The following EXT1 variants were observed in gnomAD, a reference collection of about 807,000 sequenced individuals.
EXT1 encodes the protein exostosin-1.
EXT1 carries 20 observed loss-of-function variants against 82.5 expected under a neutral mutation model. The ratio of observed to expected loss-of-function variants is 0.24; its 90% CI spans 0.17 to 0.35. The LOEUF (loss-of-function observed/expected upper bound fraction) is 0.35. EXT1 is among the 10% of genes least tolerant of loss of function. The pLI is 1.00. For synonymous variants in EXT1, 348 were observed against 350.8 expected (o/e 0.99, Z 0.09); for missense variants, 757 against 936.5 (o/e 0.81, Z 2.50).
chr8:117,807,500 T>G (rs1823257468), intron 8 of EXT1, 123 bp from the exon 9 acceptor site: 21 of 1,073,370 alleles, frequency 2.0e-5, no homozygotes, highest in Non-Finnish European at 2.8e-5. Flanking sequence ...ATTAATTCTA[T>G]GTATTCATCA....
At chr8:118,066,332 C>CTTTATTTA (rs71307424) in intron 1 of EXT1, among the ~76,000 whole-genome samples, 8,043 of 143,890 alleles carry the variant, frequency 0.056, 270 homozygotes, top group South Asian at 0.1. Context: ...TTTTCTCTAG[C>CTTTATTTA]TTTATTTATT....
At chr8:117,816,575 C>G (rs1029144425) in intron 7 of EXT1, among the ~76,000 whole-genome samples, 2 of 152,144 alleles carry the variant, frequency 1.3e-5, no homozygotes, top group African/African-American at 4.8e-5. Flanking sequence ...TGAACAAATG[C>G]CAGGGGCCTG....
intron 1 of EXT1, among the ~76,000 whole-genome samples, chr8:117,850,833 C>T (rs1185850087): frequency 1.3e-5 from 2 of 152,186 alleles, no homozygotes; most frequent in African/African-American, 4.8e-5. Flanking sequence ...CAGGCAGCCT[C>T]AGGACCCTGC....
chr8:118,025,830 A>C (rs1244234301), intron 1 of EXT1, among the ~76,000 whole-genome samples: 4 of 152,208 alleles, frequency 2.6e-5, no homozygotes, highest in Non-Finnish European at 5.9e-5. Context: ...GATAGTGAGA[A>C]TTCATCAAAT....
intron 1 of EXT1, among the ~76,000 whole-genome samples, chr8:117,913,371 C>T (rs948069588): frequency 1.3e-5 from 2 of 152,266 alleles, no homozygotes; most frequent in East Asian, 3.9e-4. Flanking sequence ...AGTCTAGGGG[C>T]CCCAGTATAT....
intron 1 of EXT1, among the ~76,000 whole-genome samples, chr8:117,850,505 CT>C (rs17479404): frequency 0.094 from 14,327 of 152,156 alleles, 933 homozygotes; most frequent in African/African-American, 0.18. Flanking sequence ...AATTGGAAAA[CT>C]TTTTTTCCCT....
intron 8 of EXT1, 64 bp from the exon 9 acceptor site, chr8:117,807,441 C>T: frequency 1.3e-6 from 2 of 1,572,018 alleles, no homozygotes; most frequent in Middle Eastern, 1.7e-4. Context: ...CAAAACATTA[C>T]CTTCTCCCCA....
chr8:117,920,072 G>C (rs1374194361), intron 1 of EXT1, among the ~76,000 whole-genome samples: 1 of 152,056 alleles, frequency 6.6e-6, no homozygotes, highest in Non-Finnish European at 1.5e-5. Flanking sequence ...AGAACAAAGA[G>C]AGAGGCAACA....
intron 1 of EXT1, among the ~76,000 whole-genome samples, chr8:117,972,193 C>T (rs892518551): frequency 6.7e-6 from 1 of 149,382 alleles, no homozygotes; most frequent in Non-Finnish European, 1.5e-5. Context: ...AAATGAAAAA[C>T]AGAAAAATGA....
intron 1 of EXT1, among the ~76,000 whole-genome samples, chr8:117,939,045 T>G (rs1215014850): frequency 6.7e-6 from 1 of 150,096 alleles, no homozygotes; most frequent in Non-Finnish European, 1.5e-5. Flanking sequence ...TTTCAAGCTG[T>G]TTTTTTTTCC....
At chr8:117,906,799 A>G (rs961652953) in intron 1 of EXT1, among the ~76,000 whole-genome samples, 1 of 152,158 alleles carries the variant, frequency 6.6e-6, no homozygotes, top group African/African-American at 2.4e-5. Context: ...TTTTAAGGAG[A>G]ATGATGGTGG....
At chr8:117,966,306 C>G (rs1224254496) in intron 1 of EXT1, among the ~76,000 whole-genome samples, 1 of 152,182 alleles carries the variant, frequency 6.6e-6, no homozygotes. Flanking sequence ...GAACTTTTCC[C>G]CCTTGCTATT....
intron 1 of EXT1, among the ~76,000 whole-genome samples, chr8:117,947,789 C>T (rs545859647): frequency 6.6e-6 from 1 of 152,294 alleles, no homozygotes; most frequent in East Asian, 1.9e-4. Flanking sequence ...AGCAAGGACA[C>T]AACCCTATTG....
chr8:117,988,661 G>A (rs990941462), intron 1 of EXT1, among the ~76,000 whole-genome samples: 1 of 152,160 alleles, frequency 6.6e-6, no homozygotes, highest in Non-Finnish European at 1.5e-5. Context: ...CCAATGTCAA[G>A]AGAGGCCTGC....
At chr8:117,877,820 C>T (rs1015639324) in intron 1 of EXT1, among the ~76,000 whole-genome samples, 1 of 152,056 alleles carries the variant, frequency 6.6e-6, no homozygotes, top group Non-Finnish European at 1.5e-5. Flanking sequence ...TACTAGTTCA[C>T]AGTCAACTTT....
chr8:117,937,658 C>G (rs942810422), intron 1 of EXT1, among the ~76,000 whole-genome samples: 2 of 152,202 alleles, frequency 1.3e-5, no homozygotes, highest in East Asian at 1.9e-4. Flanking sequence ...TAAGGTTTTT[C>G]CCCTGTATGC....
chr8:117,818,545 GC>G lies in EXT1; in HGVS notation c.1537-16del, dbSNP rs1811865956. The G allele has an allele frequency of 6.2e-7, 1 of 1,600,420 alleles. No homozygotes were observed. The highest frequency in any genetic ancestry group is 8.6e-7 in the Non-Finnish European group (1 of 1,167,706). On this transcript the variant is annotated splice_polypyrimidine_tract_variant and intron_variant, in intron 6 of 10. Coordinates refer to ENST00000378204, the MANE Select transcript of EXT1 (RefSeq NM_000127.3). ...AGAACTATGATCTGAAAGGGATGGG[GC>G]TCATTAGATGGCTGGGGTAGGATGT...
At chr8:117,972,472 A>G (rs1814963072) in intron 1 of EXT1, among the ~76,000 whole-genome samples, 1 of 152,204 alleles carries the variant, frequency 6.6e-6, no homozygotes, top group Non-Finnish European at 1.5e-5. Flanking sequence ...ATGGTAAAAG[A>G]GGTGAAGAGG....
At chr8:117,857,770 A>T (rs1392404842) in intron 1 of EXT1, among the ~76,000 whole-genome samples, 1 of 152,246 alleles carries the variant, frequency 6.6e-6, no homozygotes, top group Admixed American at 6.5e-5. Context: ...ATAAGGCTAT[A>T]GCTGACAGAG....
Sources: gnomAD v4.1 joint callset for allele counts (sites outside exome capture counted in the v4.1 genomes callset) on GRCh38, gnomAD v4.1.1 for gene constraint, MANE v1.5 for transcripts, NCBI Gene and HGNC (gene_info 2026-07-23, HGNC 2026-07-21) for gene names.